Variants in NKAIN2 observed in about 807,000 individuals in gnomAD.
NKAIN2 encodes the protein sodium/potassium transporting ATPase interacting 2, also known as sodium/potassium-transporting ATPase subunit beta-1-interacting protein 2.
NKAIN2 carries 14 observed loss-of-function variants against 32.6 expected under a neutral mutation model. The ratio of observed to expected loss-of-function variants is 0.43; its 90% CI spans 0.28 to 0.67. NKAIN2 has a LOEUF of 0.67. Among genes scored for constraint, NKAIN2 ranks in the 30% least tolerant of loss-of-function variants. The probability of loss-of-function intolerance (pLI) is 0.17; values close to 1 mark genes in which losing one functional copy is unlikely to be tolerated. For synonymous variants in NKAIN2, 80 were observed against 87.2 expected (o/e 0.92, Z 0.46); for missense variants, 198 against 258.3 (o/e 0.77, Z 1.60).
chr6:124,140,091 ACT>A (rs1247731890), intron 1 of NKAIN2, among the ~76,000 whole-genome samples: 1 of 152,156 alleles, frequency 6.6e-6, no homozygotes, highest in Non-Finnish European at 1.5e-5. Flanking sequence ...CAGTACTGAA[ACT>A]CTTTAAACTG....
At chr6:124,622,326 A>T (rs1053646924) in intron 3 of NKAIN2, among the ~76,000 whole-genome samples, 3 of 152,158 alleles carry the variant, frequency 2.0e-5, no homozygotes, top group African/African-American at 7.2e-5. Context: ...CCCTCACAGG[A>T]TATGCGACAG....
chr6:124,538,035 A>C (rs1179061819), intron 3 of NKAIN2, among the ~76,000 whole-genome samples: 1 of 152,104 alleles, frequency 6.6e-6, no homozygotes, highest in Non-Finnish European at 1.5e-5. Flanking sequence ...CTCATTTTAA[A>C]TGTGAGCCTA....
chr6:124,388,286 A>C (rs969793105), intron 3 of NKAIN2, among the ~76,000 whole-genome samples: 2 of 151,846 alleles, frequency 1.3e-5, no homozygotes, highest in African/African-American at 4.8e-5. Flanking sequence ...TACCCTTTCT[A>C]TTCACTATTA....
At chr6:124,536,858 C>T (rs2619077) in intron 3 of NKAIN2, among the ~76,000 whole-genome samples, 17,204 of 152,196 alleles carry the variant, frequency 0.11, 1,266 homozygotes, top group East Asian at 0.25. Flanking sequence ...ACATGTGAAA[C>T]AAAAAGCAAA....
intron 2 of NKAIN2, among the ~76,000 whole-genome samples, chr6:124,310,905 C>G (rs906470898): frequency 6.6e-6 from 1 of 152,026 alleles, no homozygotes; most frequent in Non-Finnish European, 1.5e-5. Flanking sequence ...GCTTTGGTCC[C>G]GGTGTTGGTT....
chr6:124,101,185 G>A (rs1430020441), intron 1 of NKAIN2, among the ~76,000 whole-genome samples: 1 of 152,088 alleles, frequency 6.6e-6, no homozygotes, highest in Non-Finnish European at 1.5e-5. Context: ...GGCATTTTAG[G>A]CCCTCTAAGA....
chr6:124,409,238 G>A (rs1774026528), intron 3 of NKAIN2, among the ~76,000 whole-genome samples: 3 of 152,152 alleles, frequency 2.0e-5, no homozygotes, highest in Admixed American at 1.3e-4. Context: ...ATGTTGAATA[G>A]GAGTGGCGAG....
intron 1 of NKAIN2, among the ~76,000 whole-genome samples, chr6:124,109,178 G>A (rs1328090815): frequency 1.3e-5 from 2 of 151,854 alleles, no homozygotes; most frequent in African/African-American, 4.8e-5. Flanking sequence ...AAGTCTTCCA[G>A]TCTTTGGACT....
intron 4 of NKAIN2, among the ~76,000 whole-genome samples, chr6:124,665,891 TCTC>T (rs917497415): frequency 7.2e-5 from 11 of 152,318 alleles, no homozygotes; most frequent in African/African-American, 2.4e-4. Context: ...GTACCGTACT[TCTC>T]AGTAAATCGT....
chr6:124,145,133 C>G (rs888825457), intron 1 of NKAIN2, among the ~76,000 whole-genome samples: 9 of 152,156 alleles, frequency 5.9e-5, no homozygotes, highest in African/African-American at 2.2e-4. Context: ...ATACCAAATT[C>G]TGGTGAGGAT....
At chr6:124,636,782 G>C (rs1216257117) in intron 3 of NKAIN2, among the ~76,000 whole-genome samples, 1 of 151,878 alleles carries the variant, frequency 6.6e-6, no homozygotes, top group African/African-American at 2.4e-5. Context: ...ACAAAGTAAA[G>C]CCAGGCTTCA....
intron 4 of NKAIN2, among the ~76,000 whole-genome samples, chr6:124,663,998 T>C (rs953330482): frequency 2.6e-5 from 4 of 152,068 alleles, no homozygotes; most frequent in African/African-American, 7.2e-5. Flanking sequence ...CTAGTGCTAA[T>C]GCTTGGTGGC....
At chr6:124,155,116 G>A (rs896480369) in intron 1 of NKAIN2, among the ~76,000 whole-genome samples, 3 of 152,040 alleles carry the variant, frequency 2.0e-5, no homozygotes, top group Admixed American at 2.0e-4. Flanking sequence ...ATATTTTTGG[G>A]AATGAGTTTT....
intron 1 of NKAIN2, among the ~76,000 whole-genome samples, chr6:123,926,352 T>C (rs1301589319): frequency 2.0e-5 from 3 of 152,156 alleles, no homozygotes; most frequent in Non-Finnish European, 4.4e-5. Context: ...ATAATCCACA[T>C]TTACCTTTAA....
At chr6:124,769,103 G>C (rs1255194226) in intron 4 of NKAIN2, among the ~76,000 whole-genome samples, 1 of 152,068 alleles carries the variant, frequency 6.6e-6, no homozygotes, top group Admixed American at 6.6e-5. Flanking sequence ...TTTAATTCAG[G>C]TCGATTTTAA....
intron 1 of NKAIN2, among the ~76,000 whole-genome samples, chr6:124,262,432 T>G (rs561941833): frequency 6.6e-6 from 1 of 152,268 alleles, no homozygotes; most frequent in South Asian, 2.1e-4. Flanking sequence ...CTGAAAAAGT[T>G]TAATAAAGAG....
chr6:124,639,550 C>T (rs1201660649), intron 3 of NKAIN2, among the ~76,000 whole-genome samples: 1 of 152,072 alleles, frequency 6.6e-6, no homozygotes. Context: ...AGGAGAATTG[C>T]TTGAACCCAG....
chr6:124,321,710 G>A, intron 2 of NKAIN2, among the ~76,000 whole-genome samples: 1 of 152,120 alleles, frequency 6.6e-6, no homozygotes, highest in East Asian at 1.9e-4. Context: ...AGCTCTGGAT[G>A]GCTAAGTGAT....
chr6:124,495,922 T>G (rs1012706394), intron 3 of NKAIN2, among the ~76,000 whole-genome samples: 5 of 152,092 alleles, frequency 3.3e-5, no homozygotes, highest in Admixed American at 3.3e-4. Flanking sequence ...ACCAAGAAAG[T>G]GGAGTTGGCA....
Sources: gnomAD v4.1 joint callset for allele counts (sites outside exome capture counted in the v4.1 genomes callset) on GRCh38, gnomAD v4.1.1 for gene constraint, MANE v1.5 for transcripts, NCBI Gene and HGNC (gene_info 2026-07-23, HGNC 2026-07-21) for gene names.